The following TP53INP2 variants were observed in gnomAD, a reference collection of about 807,000 sequenced individuals.
TP53INP2 encodes the protein tumor protein p53-inducible nuclear protein 2.
TP53INP2 carries 12 observed loss-of-function variants against 17.1 expected under a neutral mutation model. That is an observed-to-expected ratio of 0.70 (90% CI 0.45 to 1.14). The LOEUF (loss-of-function observed/expected upper bound fraction) is 1.14. TP53INP2 is among the 50% of genes most tolerant of loss of function. TP53INP2 has a pLI of 0.00. For missense variants in TP53INP2, 342 were observed against 330.9 expected, an observed-to-expected ratio of 1.03 and a Z score of -0.26; for synonymous variants, 145 against 147.3, an observed-to-expected ratio of 0.98 and a Z score of 0.12.
Position 34,711,836 on chromosome 20 carries a change from T to C in TP53INP2, c.*1529T>C, listed in dbSNP as rs1052728491. 4.6e-5 allele frequency: 7 copies of C among 152,620 alleles called. No individual in the cohort carries two copies. The highest frequency in any genetic ancestry group is 8.8e-5 in the Non-Finnish European group (6 of 68,032). The allele number at this position is 152,620 out of a possible 1,614,324, so 9.5% of individuals were successfully genotyped here. A position where few individuals can be genotyped will look rare whatever the true frequency, so the allele number is the denominator to read the frequency against. ...TTTTCTAGTGTGTGCTCACTCTTCC[T>C]AGGAACTTTTAAGACTTCTTGGTAC... is the stretch of plus-strand genomic sequence containing the variant. On this transcript the variant is annotated 3_prime_UTR_variant, in exon 5 of 5. Transcript: ENST00000374810. The surrounding 1 kb of genome is among the most constrained non-coding windows in gnomAD (Gnocchi z 4.1).
chr20:34,711,128 G>C lies in TP53INP2; in HGVS notation c.*821G>C, dbSNP rs561001669. On this transcript the variant is annotated 3_prime_UTR_variant, in exon 5 of 5. Coordinates refer to ENST00000374810, the MANE Select transcript of TP53INP2 (RefSeq NM_021202.3). The surrounding 1 kb of genome is among the most constrained non-coding windows in gnomAD (Gnocchi z 4.1). The stretch of plus-strand genomic sequence containing the variant: ...AACCCTGCTCCCAGGCTGAAGCCTG[G>C]AGTCTGCCCCCACTTCCCTTTTCTA... 9.8e-5 allele frequency: 15 copies of C among 152,454 alleles called. No individual in the cohort carries two copies. The highest frequency in any genetic ancestry group is 6.5e-4 in the Admixed American group (10 of 15,288). The allele number at this position is 152,454 out of a possible 1,614,324, so 9.4% of individuals were successfully genotyped here.
rs1162754981 is a variant in TP53INP2 at position 34,709,470 on chromosome 20, G to T, written c.359G>T (p.Gly120Val). Reference sequence around the variant, plus strand: ...GGCAGCACCATAGTGCTAGAGCCCGGGTCCCCTTCCCCGCTCCCGGACGCG... The same window carrying T: ...GGCAGCACCATAGTGCTAGAGCCCGTGTCCCCTTCCCCGCTCCCGGACGCG... ...VTGSTIVLEP[G>V]SPSPLPDAAL... The change falls in exon 4 of 5, where the codon GGG becomes GTG. Residue 120 changes from glycine to valine, a missense_variant. By Grantham distance (109) the Gly-to-Val change is moderately radical. Coordinates refer to ENST00000374810, the MANE Select transcript of TP53INP2 (RefSeq NM_021202.3). The surrounding 1 kb of genome is among the most constrained non-coding windows in gnomAD (Gnocchi z 5.4). The T allele has an allele frequency of 1.2e-6, 2 of 1,613,310 alleles. No individual in the cohort carries two copies. Among genetic ancestry groups the T allele is most frequent in the Non-Finnish European group, 1.7e-6 (2 of 1,179,852 alleles).
intron 2 of TP53INP2, among the ~76,000 whole-genome samples, chr20:34,707,516 G>A (rs901732662): frequency 6.6e-6 from 1 of 152,068 alleles, no homozygotes; most frequent in African/African-American, 2.4e-5. Context: ...CATGACCCCT[G>A]GCCACCAAAT....
At chr20:34,708,506 C>T (rs1988051596) in intron 2 of TP53INP2, among the ~76,000 whole-genome samples, 185 bp from the exon 3 acceptor site, 1 of 151,764 alleles carries the variant, frequency 6.6e-6, no homozygotes, top group South Asian at 2.1e-4. Context: ...TAAAATCATA[C>T]AGAAGATAAA....
At chr20:34,707,649 C>G (rs1988032311) in intron 2 of TP53INP2, among the ~76,000 whole-genome samples, 1 of 152,134 alleles carries the variant, frequency 6.6e-6, no homozygotes, top group African/African-American at 2.4e-5. Context: ...AGCTCTGAGA[C>G]TTTGGGACAG....
At position 34,709,011 on chromosome 20, in the gene TP53INP2, G is replaced by T; in HGVS notation, c.124+148G>T. On this transcript the variant is annotated intron_variant, in intron 3 of 4. Transcript: ENST00000374810. This position sits in a 1 kb window ranked among gnomAD's most constrained non-coding sequence, Gnocchi z 5.4. ...ACGGGGCCCCTTCCCATGAAAGCCGGGGCTCTCTCCTGGCGGCCCAGGAGA... is the reference window on the plus strand; with the variant it reads ...ACGGGGCCCCTTCCCATGAAAGCCGTGGCTCTCTCCTGGCGGCCCAGGAGA... 1 of 1,413,486 alleles carries T rather than the reference G, an allele frequency of 7.1e-7. No individual in the cohort carries two copies. 87.6% of individuals were successfully genotyped at this position (1,413,486 alleles called of 1,614,324 possible). A position where few individuals can be genotyped will look rare whatever the true frequency, so the allele number is the denominator to read the frequency against.
chr20:34,709,394 C>T lies in TP53INP2; in HGVS notation c.283C>T (p.Pro95Ser). 3.1e-6 allele frequency: 5 copies of T among 1,613,896 alleles called. No individual in the cohort carries two copies. The highest frequency in any genetic ancestry group is 4.2e-6 in the Non-Finnish European group (5 of 1,179,874). ...GLGPARLQSS[P>S]LEDLLIEHPS... ...CGGTCCCGCCCGCCTCCAGAGCAGT[C>T]CCCTGGAGGACCTCCTCATCGAGCA... The change falls in exon 4 of 5, where the codon CCC becomes TCC. Residue 95 changes from proline (P) to serine (S), a missense_variant. Transcript: ENST00000374810. The surrounding 1 kb of genome is among the most constrained non-coding windows in gnomAD (Gnocchi z 5.4).
rs766649793 is a variant in TP53INP2, at chr20:34,709,564, C to A, written c.413+40C>A. On this transcript the variant is annotated intron_variant, in intron 4 of 4. Coordinates refer to ENST00000374810, the MANE Select transcript of TP53INP2 (RefSeq NM_021202.3). The surrounding 1 kb of genome is among the most constrained non-coding windows in gnomAD (Gnocchi z 5.4). ...GGCGGAGCCTGGAGGCCCAGGGAGA[C>A]GGATCTTGGAGGCCAGGGTCCAGGC... 5.0e-5 allele frequency: 79 copies of A among 1,572,258 alleles called. 1 individual carries two copies. The highest frequency in any genetic ancestry group is 1.7e-4 in the Middle Eastern group (1 of 5,894).
Position 34,709,001 on chromosome 20 carries a change from A to AT in TP53INP2, c.124+139dup. On this transcript the variant is annotated intron_variant, in intron 3 of 4. Coordinates refer to ENST00000374810, the MANE Select transcript of TP53INP2 (RefSeq NM_021202.3). The surrounding 1 kb of genome is among the most constrained non-coding windows in gnomAD (Gnocchi z 5.4). ...AGGTGGGGTCACGGGGCCCCTTCCC[A>AT]TGAAAGCCGGGGCTCTCTCCTGGCG... The AT allele has an allele frequency of 7.0e-7, 1 of 1,423,836 alleles. No homozygotes were observed. Among genetic ancestry groups the AT allele is most frequent in the East Asian group, 2.4e-5 (1 of 41,206 alleles). The allele number at this position is 1,423,836 out of a possible 1,614,324, so 88.2% of individuals were successfully genotyped here.
chr20:34,707,925 C>A (rs1033593845), intron 2 of TP53INP2, among the ~76,000 whole-genome samples: 3 of 152,164 alleles, frequency 2.0e-5, no homozygotes, highest in Non-Finnish European at 4.4e-5. Context: ...CCACGCCCAG[C>A]TAATTTTTGT....
rs754415182 is a variant in TP53INP2 at position 34,709,213 on chromosome 20, G to T, written c.125-23G>T. ...TCCTCGCTGCTCCCCTCCTCTGCAC[G>T]GCTCCCATCCCGCGCCCCGTAGACA... On this transcript the variant is annotated intron_variant, in intron 3 of 4. Transcript: ENST00000374810. This position sits in a 1 kb window ranked among gnomAD's most constrained non-coding sequence, Gnocchi z 5.4. 7.2e-6 allele frequency: 11 copies of T among 1,534,908 alleles called. No individual in the cohort carries two copies. In the African/African-American group the frequency reaches 1.4e-4, roughly 19 times the overall value.
chr20:34,709,286 C>T lies in TP53INP2; in HGVS notation c.175C>T (p.Arg59Cys), dbSNP rs763974095. 3.7e-6 allele frequency: 6 copies of T among 1,606,530 alleles called. No individual in the cohort carries two copies. The highest frequency in any genetic ancestry group is 3.4e-5 in the Admixed American group (2 of 59,224). The change falls in exon 4 of 5, where the codon CGC (arginine) becomes TGC (cysteine). Residue 59 changes from arginine to cysteine, a missense_variant. Transcript: ENST00000374810. The surrounding 1 kb of genome is among the most constrained non-coding windows in gnomAD (Gnocchi z 5.4). ...SPGAAPAPAG[R>C]PPPAPSLMDE... ...CGGGGCCGCCCCTGCCCCCGCGGGCCGCCCTCCGCCCGCGCCCTCCTTGAT... is the reference window on the plus strand; with the variant it reads ...CGGGGCCGCCCCTGCCCCCGCGGGCTGCCCTCCGCCCGCGCCCTCCTTGAT...
Position 34,710,120 on chromosome 20 carries a change from G to T in TP53INP2, c.476G>T (p.Arg159Leu), listed in dbSNP as rs1188348027. 3 of 1,263,264 alleles carry T rather than the reference G, an allele frequency of 2.4e-6. No homozygotes were observed. The highest frequency in any genetic ancestry group is 3.0e-6 in the Non-Finnish European group (3 of 1,008,300). The allele number at this position is 1,263,264 out of a possible 1,614,324, so 78.3% of individuals were successfully genotyped here. Reference protein sequence around the residue: ...AARHAAPLPARAALLEKAGQV... With the variant: ...AARHAAPLPALAALLEKAGQV... ...CGCCACGCCGCTCCTCTCCCAGCGC[G>T]GGCGGCGCTGCTGGAGAAGGCGGGC... is the stretch of plus-strand genomic sequence containing the variant. The change falls in exon 5 of 5, where the codon CGG becomes CTG. Residue 159 changes from arginine (R) to leucine (L), a missense_variant. Transcript: ENST00000374810. This position sits in a 1 kb window ranked among gnomAD's most constrained non-coding sequence, Gnocchi z 4.9.
rs1321952074 is a variant in TP53INP2, at chr20:34,709,864, C to T, written c.414-194C>T. On this transcript the variant is annotated intron_variant, in intron 4 of 4. Transcript: ENST00000374810. This position sits in a 1 kb window ranked among gnomAD's most constrained non-coding sequence, Gnocchi z 5.4. ...AATAGGGGGTGGGGGTCCAGTCTCC[C>T]CCGAGGTCCAGTTTACCTGTTAAGG... 6.6e-6 allele frequency among the ~76,000 whole-genome samples: 1 copy of T among 152,126 alleles called. No homozygotes were observed. Among genetic ancestry groups the T allele is most frequent in the Non-Finnish European group, 1.5e-5 (1 of 68,014 alleles).
Position 34,709,648 on chromosome 20 carries a change from TG to T in TP53INP2, c.413+127del, listed in dbSNP as rs1988116048. The T allele has an allele frequency of 1.4e-6, 2 of 1,437,516 alleles. No individual in the cohort carries two copies. The highest frequency in any genetic ancestry group is 5.7e-5 in the Admixed American group (2 of 35,138). The allele number at this position is 1,437,516 out of a possible 1,614,324, so 89.0% of individuals were successfully genotyped here. ...CCCGCGCTCGAGGGGGTAGCGGCCT[TG>T]GGAGGGTTGCCTTTGAGACAAAGTG... On this transcript the variant is annotated intron_variant, in intron 4 of 4. Transcript: ENST00000374810. The surrounding 1 kb of genome is among the most constrained non-coding windows in gnomAD (Gnocchi z 5.4).
In TP53INP2 at chr20:34,709,959, A is replaced by G. The variant is rs1988129593; in HGVS notation, c.414-99A>G. The G allele has an allele frequency of 8.1e-7, 1 of 1,234,494 alleles. No homozygotes were observed. Among genetic ancestry groups the G allele is most frequent in the African/African-American group, 1.6e-5 (1 of 63,502 alleles). 76.5% of individuals were successfully genotyped at this position (1,234,494 alleles called of 1,614,324 possible). A position where few individuals can be genotyped will look rare whatever the true frequency, so the allele number is the denominator to read the frequency against. ...GCGTCGGGCACCCCAATCTGAACAGACACAGAACTGAGCCGAAGCAAGGGT... is the reference window on the plus strand; with the variant it reads ...GCGTCGGGCACCCCAATCTGAACAGGCACAGAACTGAGCCGAAGCAAGGGT... On this transcript the variant is annotated intron_variant, in intron 4 of 4. Coordinates refer to ENST00000374810, the MANE Select transcript of TP53INP2 (RefSeq NM_021202.3). This position sits in a 1 kb window ranked among gnomAD's most constrained non-coding sequence, Gnocchi z 5.4.
Position 34,709,432 on chromosome 20 carries a change from C to T in TP53INP2, c.321C>T (p.Ser107=), listed in dbSNP as rs1988101947. ...EDLLIEHPSM[S]VYVTGSTIVL... is the part of the protein sequence containing the mutation. The stretch of plus-strand genomic sequence containing the variant: ...TCCTCATCGAGCACCCCAGCATGTC[C>T]GTTTACGTCACCGGCAGCACCATAG... The change falls in exon 4 of 5, where the codon TCC becomes TCT. Residue 107 remains serine, a synonymous_variant. Transcript: ENST00000374810. This position sits in a 1 kb window ranked among gnomAD's most constrained non-coding sequence, Gnocchi z 5.4. The T allele has an allele frequency of 1.2e-6, 2 of 1,613,920 alleles. No individual in the cohort carries two copies. Among genetic ancestry groups the T allele is most frequent in the African/African-American group, 1.3e-5 (1 of 75,040 alleles).
At chr20:34,708,095 G>T (rs551906263) in intron 2 of TP53INP2, among the ~76,000 whole-genome samples, 1 of 152,240 alleles carries the variant, frequency 6.6e-6, no homozygotes, top group East Asian at 1.9e-4. Context: ...CAGACAATAT[G>T]GGCAATTTCC....
chr20:34,708,890 C>T (rs1365392284), intron 3 of TP53INP2, 27 bp downstream of exon 3: 2 of 1,607,576 alleles, frequency 1.2e-6, no homozygotes, highest in Middle Eastern at 1.7e-4. Context: ...TCTCCTGGGC[C>T]TGTGAAGTCA....
Sources: allele counts gnomAD v4.1 joint callset (sites outside exome capture counted in the v4.1 genomes callset), GRCh38; gene constraint gnomAD v4.1.1; non-coding constraint Gnocchi (gnomAD v3.1); transcripts MANE v1.5; gene names NCBI Gene and HGNC (gene_info 2026-07-23, HGNC 2026-07-21).